Variants in ZBTB7C observed in about 807,000 individuals in gnomAD.
ZBTB7C encodes the protein zinc finger and BTB domain containing 7C.
Under a neutral mutation model 25.7 loss-of-function variants are expected in ZBTB7C, and 8 were observed. That is an observed-to-expected ratio of 0.31 (90% CI 0.18 to 0.56). The LOEUF (loss-of-function observed/expected upper bound fraction) is 0.56. ZBTB7C is among the 20% of genes least tolerant of loss of function. ZBTB7C has a pLI of 0.91. For missense variants in ZBTB7C, 824 were observed against 855.2 expected (o/e 0.96, Z 0.46); for synonymous variants, 394 against 369.0 (o/e 1.07, Z -0.78).
chr18:48,247,058 C>G (rs1041391383), intron 2 of ZBTB7C, among the ~76,000 whole-genome samples: 5 of 152,162 alleles, frequency 3.3e-5, no homozygotes, highest in Admixed American at 6.5e-5. Context: ...TACACCACAT[C>G]AAGACGCTAA....
intron 3 of ZBTB7C, among the ~76,000 whole-genome samples, chr18:48,077,221 T>G (rs983413458): frequency 6.6e-6 from 1 of 152,130 alleles, no homozygotes; most frequent in Non-Finnish European, 1.5e-5. Flanking sequence ...ATGAGTAAGT[T>G]CTGGAGACCT....
chr18:48,372,291 C>T (rs1195965712), intron 1 of ZBTB7C, among the ~76,000 whole-genome samples: 2 of 152,220 alleles, frequency 1.3e-5, no homozygotes, highest in Admixed American at 1.3e-4. Flanking sequence ...CCAAATCACA[C>T]ATCAGACTAC....
chr18:48,376,920 T>C (rs1053230840), intron 1 of ZBTB7C, among the ~76,000 whole-genome samples: 2 of 152,192 alleles, frequency 1.3e-5, no homozygotes, highest in African/African-American at 4.8e-5. Flanking sequence ...GCAGACATTG[T>C]TAGGTAGTAA....
intron 2 of ZBTB7C, among the ~76,000 whole-genome samples, chr18:48,268,958 C>CTTTTTT (rs140699441): frequency 4.2e-5 from 5 of 118,984 alleles, no homozygotes; most frequent in Non-Finnish European, 5.1e-5. Context: ...TGCTCTGTTT[C>CTTTTTT]TTTTTTTTTT....
At chr18:48,033,851 G>A (rs543054201) in intron 4 of ZBTB7C, among the ~76,000 whole-genome samples, 27 of 152,084 alleles carry the variant, frequency 1.8e-4, no homozygotes, top group Non-Finnish European at 2.1e-4. Flanking sequence ...AGGTGGTGCC[G>A]GGCACACTCC....
In ZBTB7C at chr18:48,113,324, G is replaced by A. The variant is rs545551062; in HGVS notation, c.-16-72201C>T. ...TATGGTTATGGATGTACATGAACAA[G>A]TGAAACTACCCCCATCACAAGGAAA... On this transcript the variant is annotated intron_variant, in intron 3 of 4. Coordinates refer to ENST00000590800, the MANE Select transcript of ZBTB7C (RefSeq NM_001318841.2). Among the ~76,000 whole-genome samples the A allele has an allele frequency of 5.3e-5, 8 of 152,310 alleles. No homozygotes were observed. In the South Asian group the frequency reaches 1.7e-3, roughly 32 times the overall value.
chr18:48,249,640 T>A (rs1015084298), intron 2 of ZBTB7C, among the ~76,000 whole-genome samples: 2 of 152,156 alleles, frequency 1.3e-5, no homozygotes, highest in Non-Finnish European at 2.9e-5. Context: ...TTTTAAATGT[T>A]CTCTTTAAAT....
intron 3 of ZBTB7C, among the ~76,000 whole-genome samples, chr18:48,115,568 A>AACACACAC (rs903255106): frequency 6.6e-6 from 1 of 151,012 alleles, no homozygotes; most frequent in African/African-American, 2.4e-5. Context: ...CACACACACA[A>AACACACAC]ACACACACAC....
At chr18:48,365,550 G>A (rs963966625) in intron 1 of ZBTB7C, among the ~76,000 whole-genome samples, 28 of 152,166 alleles carry the variant, frequency 1.8e-4, no homozygotes, top group African/African-American at 5.8e-4. Context: ...ACTGAATGTC[G>A]CCAATAACCA....
In ZBTB7C at chr18:48,040,632, TCCTC is replaced by T; in HGVS notation, c.472_475del (p.Glu158LysfsTer63). 1 of 1,611,192 alleles carries T rather than the reference TCCTC, an allele frequency of 6.2e-7. No individual in the cohort carries two copies. The highest frequency in any genetic ancestry group is 8.5e-7 in the Non-Finnish European group (1 of 1,178,554). On this transcript the variant is annotated frameshift_variant, in exon 4 of 5. Transcript: ENST00000590800. LOFTEE classifies it high-confidence loss of function. ...GTCATCATCGTCATCCTCCTCCTCT[TCCTC>T]CTCCTCCTCTTCGTCCTCCTCATCA...
chr18:48,278,085 CT>C (rs1568347640), intron 2 of ZBTB7C, among the ~76,000 whole-genome samples: 1 of 152,234 alleles, frequency 6.6e-6, no homozygotes, highest in Admixed American at 6.5e-5. Flanking sequence ...TTCCCTCCCC[CT>C]GAATCTGGAC....
Position 48,029,757 on chromosome 18 carries a change from T to C in ZBTB7C, c.1363A>G (p.Lys455Glu). ...AGGTGGTCAGAGCGCGTGAAGCTCT[T>C]GTAGCAGAACTCGCACTGGTAGGGC... ...VRPYQCEFCY[K>E]SFTRSDHLHR... The change falls in exon 5 of 5, where the codon AAG becomes GAG. Residue 455 changes from lysine (K) to glutamate (E), a missense_variant. Physicochemically the swap from Lys to Glu is moderately conservative, Grantham distance 56. This residue lies in a region of ZBTB7C where 342 missense variants were observed against 307.0 expected (regional missense o/e 1.11). Transcript: ENST00000590800. 1.2e-6 allele frequency: 2 copies of C among 1,608,392 alleles called. No homozygotes were observed. The highest frequency in any genetic ancestry group is 1.7e-6 in the Non-Finnish European group (2 of 1,179,980).
chr18:48,080,669 C>A (rs1363914185), intron 3 of ZBTB7C, among the ~76,000 whole-genome samples: 1 of 152,248 alleles, frequency 6.6e-6, no homozygotes, highest in Non-Finnish European at 1.5e-5. Context: ...TGATGTGGCA[C>A]CATGTGACAT....
intron 3 of ZBTB7C, among the ~76,000 whole-genome samples, chr18:48,067,971 G>A (rs4939716): frequency 0.48 from 73,096 of 151,596 alleles, 18,123 homozygotes; most frequent in Non-Finnish European, 0.52. Flanking sequence ...ATTGCACTCC[G>A]GCCTGGGCAA....
intron 3 of ZBTB7C, among the ~76,000 whole-genome samples, chr18:48,181,723 A>G (rs2041928870): frequency 6.6e-6 from 1 of 152,096 alleles, no homozygotes; most frequent in Non-Finnish European, 1.5e-5. Context: ...CTCCCACTGA[A>G]GCCCTGGAAT....
chr18:48,206,811 T>C (rs1213746970), intron 2 of ZBTB7C, among the ~76,000 whole-genome samples: 1 of 152,034 alleles, frequency 6.6e-6, no homozygotes, highest in African/African-American at 2.4e-5. Context: ...GGCAAAGAAG[T>C]TCGTTAAACA....
chr18:48,333,880 C>T (rs1262618094), intron 2 of ZBTB7C, among the ~76,000 whole-genome samples: 2 of 152,208 alleles, frequency 1.3e-5, no homozygotes, highest in Non-Finnish European at 2.9e-5. Context: ...AAAACACTGT[C>T]TCAATGCCCA....
intron 3 of ZBTB7C, among the ~76,000 whole-genome samples, chr18:48,158,241 T>C (rs2040896711): frequency 6.6e-6 from 1 of 152,194 alleles, no homozygotes; most frequent in African/African-American, 2.4e-5. Context: ...AAGGTGCCTA[T>C]CAGGAACGAC....
chr18:48,290,632 C>G (rs967517798), intron 2 of ZBTB7C, among the ~76,000 whole-genome samples: 5 of 152,192 alleles, frequency 3.3e-5, no homozygotes, highest in African/African-American at 1.2e-4. Context: ...ACAACAGGAT[C>G]TATTGTTGGA....
Sources: allele counts gnomAD v4.1 joint callset (sites outside exome capture counted in the v4.1 genomes callset), GRCh38; gene constraint gnomAD v4.1.1; regional missense constraint gnomAD v4.1.1; transcripts MANE v1.5; gene names NCBI Gene and HGNC (gene_info 2026-07-23, HGNC 2026-07-21).